Variants in IQSEC3 observed in about 807,000 individuals in gnomAD.
IQSEC3 encodes the protein IQ motif and SEC7 domain-containing protein 3.
Under a neutral mutation model 105.4 loss-of-function variants are expected in IQSEC3, and 50 were observed. The observed-to-expected ratio is 0.47, with a 90% CI of 0.38 to 0.60. The LOEUF (loss-of-function observed/expected upper bound fraction) is 0.60. Ranked by LOEUF, IQSEC3 falls within the 20% of genes least tolerant of loss-of-function variation. The pLI is 0.00. For missense variants in IQSEC3, 1,415 were observed against 1,630.0 expected (o/e 0.87, Z 2.27); for synonymous variants, 708 against 746.0 (o/e 0.95, Z 0.83).
intron 12 of IQSEC3, 103 bp downstream of exon 12, chr12:169,208 G>A: frequency 1.1e-6 from 1 of 925,198 alleles, no homozygotes; most frequent in South Asian, 1.5e-5. Flanking sequence ...CCATTCCCGT[G>A]GCGTGTTTCT....
At chr12:82,883 GT>G (rs1310829971) in intron 1 of IQSEC3, among the ~76,000 whole-genome samples, 2 of 152,184 alleles carry the variant, frequency 1.3e-5, no homozygotes, top group African/African-American at 4.8e-5. Flanking sequence ...TCCAGGAGAA[GT>G]TTTTTCCAAA....
intron 1 of IQSEC3, among the ~76,000 whole-genome samples, chr12:87,444 G>A (rs6489607): frequency 0.56 from 85,030 of 152,046 alleles, 24,819 homozygotes; most frequent in African/African-American, 0.68. Context: ...GAAGTCAGAC[G>A]CTGAGAAGTT....
At chr12:171,365 TCTTTCTCCC>T (rs1938988058) in intron 13 of IQSEC3, 1 of 1,567,850 alleles carries the variant, frequency 6.4e-7, no homozygotes, top group African/African-American at 1.4e-5. Context: ...AGCCACGAGC[TCTTTCTCCC>T]CTTTCCCCAG....
chr12:171,921 T>C (rs1344230744), intron 13 of IQSEC3, among the ~76,000 whole-genome samples: 2 of 152,074 alleles, frequency 1.3e-5, no homozygotes, highest in Non-Finnish European at 1.5e-5. Flanking sequence ...AGCTGGTCCC[T>C]GCCAAACCCC....
intron 13 of IQSEC3, among the ~76,000 whole-genome samples, chr12:174,194 G>A (rs1364038327): frequency 3.3e-5 from 5 of 152,172 alleles, no homozygotes. Flanking sequence ...CTCTGTCCCT[G>A]GGTCTGCCCT....
Position 174,607 on chromosome 12 carries a change from T to C in IQSEC3, c.3123T>C (p.Ile1041=), listed in dbSNP as rs747497699. ...GGCTGTTTCTAAACTAGGTGTCAAT[T>C]CACAACAGGCTTCAAACGTCCCAGC... ...RPAESTVEVS[I]HNRLQTSQHN... The change falls in exon 14 of 14, where the codon ATT becomes ATC. Residue 1041 remains isoleucine, a synonymous_variant. Coordinates refer to ENST00000538872, the MANE Select transcript of IQSEC3 (RefSeq NM_001170738.2). 1.3e-5 allele frequency: 20 copies of C among 1,536,682 alleles called. No individual in the cohort carries two copies. The highest frequency in any genetic ancestry group is 4.4e-6 in the Non-Finnish European group (5 of 1,148,418).
intron 6 of IQSEC3, 23 bp downstream of exon 6, chr12:157,170 C>G (rs1555094595): frequency 2.6e-5 from 40 of 1,529,128 alleles, no homozygotes; most frequent in Non-Finnish European, 3.3e-5. Flanking sequence ...CCCAGCTCCA[C>G]TCCCCAACAG....
intron 1 of IQSEC3, among the ~76,000 whole-genome samples, chr12:86,187 C>T (rs548908478): frequency 9.8e-5 from 15 of 152,292 alleles, no homozygotes; most frequent in South Asian, 8.3e-4. Flanking sequence ...TGGGCGCTTC[C>T]GGCCTAGGTG....
At chr12:146,096 A>G (rs1454176876) in intron 5 of IQSEC3, among the ~76,000 whole-genome samples, 2 of 152,366 alleles carry the variant, frequency 1.3e-5, no homozygotes, top group Non-Finnish European at 2.9e-5. Flanking sequence ...TGGCCAGAGT[A>G]TAACAGATTT....
rs1346738337 is a variant in IQSEC3, at chr12:152,990, A to G, written c.2154-4035A>G. The stretch of plus-strand genomic sequence containing the variant: ...TAAACTGCCCACACTCAGCTCCCCA[A>G]GAGGATTCCAGGGCAGCAAAGAAGG... On this transcript the variant is annotated intron_variant, in intron 5 of 13. Transcript: ENST00000538872. The surrounding 1 kb of genome is among the most constrained non-coding windows in gnomAD (Gnocchi z 4.8). Among the ~76,000 whole-genome samples, 3 of 152,148 alleles carry G rather than the reference A, an allele frequency of 2.0e-5. No individual in the cohort carries two copies. Among genetic ancestry groups the G allele is most frequent in the East Asian group, 3.9e-4 (2 of 5,182 alleles).
intron 7 of IQSEC3, among the ~76,000 whole-genome samples, 154 bp downstream of exon 7, chr12:157,848 G>A (rs538688044): frequency 1.3e-5 from 2 of 152,256 alleles, no homozygotes; most frequent in South Asian, 4.1e-4. Context: ...TTCCTTGTGA[G>A]CCAGGCGGCT....
In IQSEC3 at chr12:177,309, C is replaced by G. The variant is rs1482263670; in HGVS notation, c.*2276C>G. On this transcript the variant is annotated 3_prime_UTR_variant, in exon 14 of 14. Transcript: ENST00000538872. This position sits in a 1 kb window ranked among gnomAD's most constrained non-coding sequence, Gnocchi z 5.3. The stretch of plus-strand genomic sequence containing the variant: ...GACCCCGTCCCCTGCTCACACAGCT[C>G]TTCAAACTTACCAAGTGCCCTCTCC... 1 of 119,830 alleles carries G rather than the reference C, an allele frequency of 8.3e-6. No individual in the cohort carries two copies. Among genetic ancestry groups the G allele is most frequent in the Non-Finnish European group, 1.9e-5 (1 of 52,478 alleles). 7.4% of individuals were successfully genotyped at this position (119,830 alleles called of 1,614,324 possible).
At chr12:139,417 G>A in intron 4 of IQSEC3, 63 bp downstream of exon 4, 2 of 1,347,192 alleles carry the variant, frequency 1.5e-6, no homozygotes, top group Non-Finnish European at 1.0e-6. Context: ...GAAGGAGGAG[G>A]GCACCTTCCC....
intron 1 of IQSEC3, among the ~76,000 whole-genome samples, chr12:79,340 C>G (rs1392623281): frequency 1.3e-5 from 2 of 152,208 alleles, no homozygotes; most frequent in Admixed American, 1.3e-4. Flanking sequence ...GGCTCTTTCA[C>G]TTGAAGGACT....
rs116730744 is a variant in IQSEC3, at chr12:115,044, A to T, written c.624-10589A>T. Among the ~76,000 whole-genome samples the T allele has an allele frequency of 1.3e-3, 191 of 152,352 alleles. 1 individual carries two copies. The highest frequency in any genetic ancestry group is 4.2e-3 in the African/African-American group (176 of 41,578). The stretch of plus-strand genomic sequence containing the variant: ...GATATCAGGTAGGACTTCCAGTAGG[A>T]CCACTGAAGATAAGGACGTTAACTG... On this transcript the variant is annotated intron_variant, in intron 2 of 13. Coordinates refer to ENST00000538872, the MANE Select transcript of IQSEC3 (RefSeq NM_001170738.2).
intron 5 of IQSEC3, among the ~76,000 whole-genome samples, chr12:156,705 T>G (rs1278403238): frequency 6.6e-6 from 1 of 152,230 alleles, no homozygotes; most frequent in Non-Finnish European, 1.5e-5. Context: ...TTATTTATGC[T>G]GAAAGCTTTG....
At chr12:78,925 AC>A (rs1555070072) in intron 1 of IQSEC3, among the ~76,000 whole-genome samples, 2 of 151,388 alleles carry the variant, frequency 1.3e-5, no homozygotes, top group South Asian at 2.1e-4. Context: ...CCCCACCCTG[AC>A]CCCGGCATCT....
intron 1 of IQSEC3, among the ~76,000 whole-genome samples, chr12:82,452 C>T (rs371751408): frequency 4.6e-5 from 7 of 152,276 alleles, no homozygotes; most frequent in South Asian, 4.1e-4. Flanking sequence ...GCTGAAGGGA[C>T]GAAGCGGGTT....
chr12:82,546 C>T (rs778376114), intron 1 of IQSEC3, among the ~76,000 whole-genome samples: 4 of 152,078 alleles, frequency 2.6e-5, no homozygotes, highest in Admixed American at 6.5e-5. Context: ...ACATGCTGAC[C>T]GTCCACCGCA....
Sources: gnomAD v4.1 joint callset for allele counts (sites outside exome capture counted in the v4.1 genomes callset) on GRCh38, gnomAD v4.1.1 for gene constraint, Gnocchi (gnomAD v3.1) non-coding constraint, MANE v1.5 for transcripts, NCBI Gene and HGNC (gene_info 2026-07-23, HGNC 2026-07-21) for gene names.